The following ADCY2 variants were observed in gnomAD, a reference collection of about 807,000 sequenced individuals.
ADCY2 encodes the protein adenylate cyclase type 2.
ADCY2 carries 31 observed loss-of-function variants against 125.2 expected under a neutral mutation model. The observed-to-expected ratio is 0.25, with a 90% CI of 0.19 to 0.33. The LOEUF is 0.33. Among genes scored for constraint, ADCY2 ranks in the 10% least tolerant of loss-of-function variants. The pLI is 1.00. For missense variants in ADCY2, 904 were observed against 1,418.2 expected, an observed-to-expected ratio of 0.64 and a Z score of 5.82; for synonymous variants, 512 against 548.4, an observed-to-expected ratio of 0.93 and a Z score of 0.93.
intron 21 of ADCY2, among the ~76,000 whole-genome samples, chr5:7,804,306 A>C (rs1393617697): frequency 3.9e-5 from 6 of 152,242 alleles, no homozygotes; most frequent in African/African-American, 1.4e-4. Flanking sequence ...CGTCATTTGC[A>C]TCATAATTCA....
chr5:7,445,033 G>C (rs1416398918), intron 2 of ADCY2, among the ~76,000 whole-genome samples: 1 of 152,120 alleles, frequency 6.6e-6, no homozygotes, highest in Non-Finnish European at 1.5e-5. Context: ...ATTTTCCCCA[G>C]TTTTTACCTT....
At chr5:7,638,131 A>G (rs2126670767) in intron 4 of ADCY2, among the ~76,000 whole-genome samples, 1 of 152,322 alleles carries the variant, frequency 6.6e-6, no homozygotes, top group East Asian at 1.9e-4. Context: ...CTTCAAGGTG[A>G]CAGGAGGTTA....
Position 7,663,963 on chromosome 5 carries a change from G to A in ADCY2, c.721-26728G>A, listed in dbSNP as rs545954802. On this transcript the variant is annotated intron_variant, in intron 4 of 24. Coordinates refer to ENST00000338316, the MANE Select transcript of ADCY2 (RefSeq NM_020546.3). ...AAGTTCAAGCTGGAAGAGGATTTCC[G>A]AAGTGTGACTCTTTGGAGAGGCCAT... Among the ~76,000 whole-genome samples, 25 of 152,288 alleles carry A rather than the reference G, an allele frequency of 1.6e-4. 1 individual carries two copies. The South Asian group carries it at 2.3e-3, about 14-fold the overall frequency.
chr5:7,513,828 C>A (rs1744165488), intron 2 of ADCY2, among the ~76,000 whole-genome samples: 2 of 152,082 alleles, frequency 1.3e-5, no homozygotes, highest in Admixed American at 6.5e-5. Context: ...AATGGTATTT[C>A]TAATTTCTTA....
intron 3 of ADCY2, among the ~76,000 whole-genome samples, chr5:7,524,195 C>T (rs757702878): frequency 2.0e-5 from 3 of 152,100 alleles, no homozygotes; most frequent in Non-Finnish European, 4.4e-5. Context: ...ACATTTTCAA[C>T]CTGAAGTGTA....
rs996214699 is a variant in ADCY2, at chr5:7,802,955, A to G, written c.2775+591A>G. Among the ~76,000 whole-genome samples, 1 of 152,192 alleles carries G rather than the reference A, an allele frequency of 6.6e-6. No homozygotes were observed. The highest frequency in any genetic ancestry group is 6.5e-5 in the Admixed American group (1 of 15,276). On this transcript the variant is annotated intron_variant, in intron 21 of 24. Coordinates refer to ENST00000338316, the MANE Select transcript of ADCY2 (RefSeq NM_020546.3). This position sits in a 1 kb window ranked among gnomAD's most constrained non-coding sequence, Gnocchi z 4.6. ...GGTTTAAGGATATTGCAGCCACACT[A>G]TTCTTATCACTATCTTGCAAAATAG...
chr5:7,781,538 A>T (rs1336345206), intron 18 of ADCY2, among the ~76,000 whole-genome samples: 2 of 152,172 alleles, frequency 1.3e-5, no homozygotes, highest in Non-Finnish European at 2.9e-5. Context: ...AAAGCCAATG[A>T]TGGCCAGCAA....
chr5:7,462,757 C>T (rs1018982307), intron 2 of ADCY2, among the ~76,000 whole-genome samples: 5 of 152,192 alleles, frequency 3.3e-5, no homozygotes, highest in African/African-American at 1.2e-4. Flanking sequence ...GTGTAAATAA[C>T]AATTCTGTGT....
chr5:7,550,208 C>G (rs1735282580), intron 3 of ADCY2, among the ~76,000 whole-genome samples: 2 of 152,158 alleles, frequency 1.3e-5, no homozygotes, highest in African/African-American at 4.8e-5. Flanking sequence ...AAATTGGAAC[C>G]CAAGCCTTCT....
rs16878858 is a variant in ADCY2, at chr5:7,632,565, A to G, written c.720+6249A>G. Among the ~76,000 whole-genome samples, 1,109 of 152,262 alleles carry G rather than the reference A, an allele frequency of 7.3e-3. 10 individuals carry two copies. The highest frequency in any genetic ancestry group is 0.025 in the African/African-American group (1,044 of 41,546). ...CATTAAATGATGTGGAAGACTACAC[A>G]TACACTTTACTTGAAAACTGAAAAA... On this transcript the variant is annotated intron_variant, in intron 4 of 24. Transcript: ENST00000338316.
chr5:7,546,736 C>T (rs138738833), intron 3 of ADCY2, among the ~76,000 whole-genome samples: 10 of 152,290 alleles, frequency 6.6e-5, no homozygotes, highest in South Asian at 2.1e-4. Flanking sequence ...TTTGCAAGGC[C>T]GTCCGTGGGC....
intron 1 of ADCY2, among the ~76,000 whole-genome samples, chr5:7,408,653 C>G (rs2126313986): frequency 6.6e-6 from 1 of 152,212 alleles, no homozygotes; most frequent in Admixed American, 6.5e-5. Flanking sequence ...CAGGCGTGAG[C>G]CACCGTGCCT....
At chr5:7,595,271 A>G (rs187763590) in intron 3 of ADCY2, among the ~76,000 whole-genome samples, 5 of 152,328 alleles carry the variant, frequency 3.3e-5, no homozygotes, top group Admixed American at 2.6e-4. Flanking sequence ...TTAAAATTAA[A>G]TAGCACATTC....
chr5:7,755,853 T>C (rs138520844), intron 15 of ADCY2, among the ~76,000 whole-genome samples: 57 of 152,318 alleles, frequency 3.7e-4, no homozygotes, highest in African/African-American at 1.3e-3. Flanking sequence ...AAAAATAAGA[T>C]GTGAAAGAAG....
rs35601967 is a variant in ADCY2, at chr5:7,522,739, TAAAAAAAAAAA to T, written c.570+1867_570+1877del. The T allele has an allele frequency of 7.2e-4, 88 of 122,596 alleles. 1 individual carries two copies. The highest frequency in any genetic ancestry group is 4.2e-3 in the Middle Eastern group (1 of 236). The allele number at this position is 122,596 out of a possible 1,614,324, so 7.6% of individuals were successfully genotyped here. ...AACACGGTGAAACCCCATCTCTACT[TAAAAAAAAAAA>T]AAAAAAAAAAAAAAAAAAAAAAAAA... On this transcript the variant is annotated intron_variant, in intron 3 of 24. Coordinates refer to ENST00000338316, the MANE Select transcript of ADCY2 (RefSeq NM_020546.3).
chr5:7,432,821 G>A (rs1740654602), intron 2 of ADCY2, among the ~76,000 whole-genome samples: 1 of 152,202 alleles, frequency 6.6e-6, no homozygotes, highest in African/African-American at 2.4e-5. Flanking sequence ...GGTGATGGCT[G>A]TGTTCTTTAT....
intron 2 of ADCY2, among the ~76,000 whole-genome samples, chr5:7,455,748 T>C (rs1368020554): frequency 1.4e-5 from 2 of 145,480 alleles, no homozygotes; most frequent in South Asian, 4.3e-4. Flanking sequence ...ACAGTATGTG[T>C]TATATAAAAA....
intron 17 of ADCY2, 83 bp from the exon 18 acceptor site, chr5:7,772,849 G>C (rs1459785216): frequency 5.9e-6 from 8 of 1,356,708 alleles, no homozygotes; most frequent in South Asian, 1.3e-5. Flanking sequence ...AGATGAGATG[G>C]GCGGTGGTCC....
At chr5:7,413,141 T>A (rs1420319603) in intron 1 of ADCY2, among the ~76,000 whole-genome samples, 13 of 152,158 alleles carry the variant, frequency 8.5e-5, no homozygotes, top group African/African-American at 2.9e-4. Flanking sequence ...TCCCTGTGCT[T>A]CGTTGCTTGG....
Sources: gnomAD v4.1 joint callset for allele counts (sites outside exome capture counted in the v4.1 genomes callset) on GRCh38, gnomAD v4.1.1 for gene constraint, Gnocchi (gnomAD v3.1) non-coding constraint, MANE v1.5 for transcripts, NCBI Gene and HGNC (gene_info 2026-07-23, HGNC 2026-07-21) for gene names.